Variants in EAF2 observed in about 807,000 individuals in gnomAD.
EAF2 encodes the protein ELL associated factor 2.
In EAF2, 29 loss-of-function variants were observed where a neutral mutation model predicts 29.4. That is an observed-to-expected ratio of 0.99 (90% confidence interval 0.73 to 1.35). The LOEUF (loss-of-function observed/expected upper bound fraction) is 1.35, where lower values mean the gene tolerates loss of function less well. EAF2 is among the 40% of genes most tolerant of loss of function. The probability of loss-of-function intolerance (pLI) is 0.00; values close to 1 mark genes in which losing one functional copy is unlikely to be tolerated. For synonymous variants in EAF2, 103 were observed against 102.5 expected (o/e 1.00, Z -0.03); for missense variants, 292 against 312.0 (o/e 0.94, Z 0.48).
At chr3:121,879,292 G>T (rs540399963) in intron 5 of EAF2, among the ~76,000 whole-genome samples, 41 of 152,190 alleles carry the variant, frequency 2.7e-4, no homozygotes, top group African/African-American at 8.9e-4. Flanking sequence ...TTAATCCCTT[G>T]TTGGATGGAT....
chr3:121,840,069 G>A (rs1173171603), intron 1 of EAF2, among the ~76,000 whole-genome samples: 4 of 151,082 alleles, frequency 2.6e-5, no homozygotes, highest in African/African-American at 7.3e-5. Context: ...GCGGGAGCCC[G>A]TAATCCAGCT....
At chr3:121,878,387 G>A (rs185147720) in intron 5 of EAF2, among the ~76,000 whole-genome samples, 4 of 152,162 alleles carry the variant, frequency 2.6e-5, no homozygotes, top group Admixed American at 2.6e-4. Context: ...TCAAACATTT[G>A]TCCTTTTTGG....
In EAF2 at chr3:121,844,480, C is replaced by G. The variant is rs762955338; in HGVS notation, c.134C>G (p.Thr45Ser). 2.5e-6 allele frequency: 4 copies of G among 1,609,554 alleles called. No homozygotes were observed. In the East Asian group the frequency reaches 9.0e-5, roughly 36 times the overall value. Residue 45 changes from threonine to serine, a missense_variant, in exon 2 of 6, where the codon ACT (threonine) becomes AGT (serine). Thr to Ser is a moderately conservative substitution (Grantham distance 58). Coordinates refer to ENST00000273668, the MANE Select transcript of EAF2 (RefSeq NM_018456.6). ...GACTTCAAACCTGCTTCTATTGACA[C>G]TTCTTCTGAAGGATACCTTGAGGTT... ...RYDFKPASIDTSSEGYLEVGE... is the reference protein window; with the variant it reads ...RYDFKPASIDSSSEGYLEVGE...
chr3:121,840,515 A>AAAAAAACAAAAC (rs1708398218), intron 1 of EAF2, among the ~76,000 whole-genome samples: 1 of 97,892 alleles, frequency 1.0e-5, no homozygotes, highest in Non-Finnish European at 2.0e-5. Context: ...AAAAGAAAAA[A>AAAAAAACAAAAC]AAAAAACGGG....
intron 1 of EAF2, among the ~76,000 whole-genome samples, chr3:121,840,631 C>T (rs1708401470): frequency 1.3e-5 from 2 of 151,146 alleles, no homozygotes; most frequent in Admixed American, 1.3e-4. Context: ...CGGTGAAACC[C>T]CGTCTCTACT....
intron 5 of EAF2, among the ~76,000 whole-genome samples, chr3:121,881,867 G>T (rs1046838839): frequency 6.6e-6 from 1 of 151,968 alleles, no homozygotes; most frequent in Non-Finnish European, 1.5e-5. Flanking sequence ...GGAACGGATG[G>T]TTTTGTAGAA....
rs1036110810 is a variant in EAF2 at position 121,841,862 on chromosome 3, C to T, written c.107-2591C>T. Among the ~76,000 whole-genome samples the T allele has an allele frequency of 4.6e-5, 7 of 151,822 alleles. 1 individual carries two copies. The South Asian group carries it at 1.0e-3, about 23-fold the overall frequency. ...CTCTACTGAAAATACAAAAATTAGC[C>T]GGATATGGTGGTGCACGCCCGTAAT... On this transcript the variant is annotated intron_variant, in intron 1 of 5. Coordinates refer to ENST00000273668, the MANE Select transcript of EAF2 (RefSeq NM_018456.6).
chr3:121,856,447 G>T (rs1040404704), intron 3 of EAF2, among the ~76,000 whole-genome samples: 3 of 151,814 alleles, frequency 2.0e-5, no homozygotes, highest in Non-Finnish European at 4.4e-5. Context: ...CGAAAGTGCT[G>T]GGATTATAGG....
At chr3:121,846,783 G>C (rs1478900743) in intron 2 of EAF2, among the ~76,000 whole-genome samples, 1 of 151,260 alleles carries the variant, frequency 6.6e-6, no homozygotes, top group Non-Finnish European at 1.5e-5. Context: ...CTCATCCCTT[G>C]CATTGCTCTT....
chr3:121,859,333 T>C (rs1273080225), intron 4 of EAF2, among the ~76,000 whole-genome samples: 1 of 152,202 alleles, frequency 6.6e-6, no homozygotes, highest in Non-Finnish European at 1.5e-5. Context: ...GTTTGTGTCC[T>C]CTTTTATTTT....
intron 1 of EAF2, among the ~76,000 whole-genome samples, chr3:121,841,375 C>T (rs956654845): frequency 4.6e-5 from 7 of 150,822 alleles, no homozygotes; most frequent in Non-Finnish European, 8.9e-5. Context: ...TGTAGTGGCG[C>T]ACGCTTGTAA....
chr3:121,874,632 G>A (rs144795064), intron 5 of EAF2, among the ~76,000 whole-genome samples: 1 of 151,998 alleles, frequency 6.6e-6, no homozygotes, highest in Non-Finnish European at 1.5e-5. Context: ...ACATTGCCTT[G>A]TAGAACTTTG....
chr3:121,856,413 A>C (rs1170633128), intron 3 of EAF2, among the ~76,000 whole-genome samples: 1 of 151,452 alleles, frequency 6.6e-6, no homozygotes, highest in Non-Finnish European at 1.5e-5. Context: ...TCCTGGCCTC[A>C]AACCATCTTC....
chr3:121,863,484 T>TA (rs1708868762), intron 4 of EAF2, among the ~76,000 whole-genome samples: 1 of 152,180 alleles, frequency 6.6e-6, no homozygotes, highest in African/African-American at 2.4e-5. Flanking sequence ...TCCGTGGGCA[T>TA]GGGACCCTCC....
intron 4 of EAF2, among the ~76,000 whole-genome samples, chr3:121,857,419 G>A (rs1049166813): frequency 1.3e-5 from 2 of 151,352 alleles, no homozygotes; most frequent in African/African-American, 4.9e-5. Flanking sequence ...TTGAACCCAG[G>A]AGGCAGAGGT....
intron 4 of EAF2, among the ~76,000 whole-genome samples, chr3:121,860,182 C>T (rs1264302419): frequency 6.6e-6 from 1 of 152,168 alleles, no homozygotes. Flanking sequence ...ATGCTGGCCT[C>T]ATCAAATGAG....
intron 5 of EAF2, among the ~76,000 whole-genome samples, chr3:121,877,670 G>C (rs895653904): frequency 4.6e-5 from 7 of 151,690 alleles, no homozygotes; most frequent in African/African-American, 1.7e-4. Context: ...ATTGAATACT[G>C]TTATGAAGAT....
chr3:121,837,289 A>G (rs1052298888), intron 1 of EAF2: 5 of 152,170 alleles, frequency 3.3e-5, no homozygotes, highest in Non-Finnish European at 7.4e-5. Flanking sequence ...CTCACTCTTA[A>G]GAACTCAGAG....
At chr3:121,853,571 G>A (rs2107514840) in intron 2 of EAF2, among the ~76,000 whole-genome samples, 1 of 152,206 alleles carries the variant, frequency 6.6e-6, no homozygotes, top group East Asian at 1.9e-4. Flanking sequence ...ACAAGTAGCT[G>A]GTACTACAGT....
Sources: allele counts gnomAD v4.1 joint callset (sites outside exome capture counted in the v4.1 genomes callset), GRCh38; gene constraint gnomAD v4.1.1; transcripts MANE v1.5; gene names NCBI Gene and HGNC (gene_info 2026-07-23, HGNC 2026-07-21).